WASL: variants seen among roughly 807,000 people sequenced by gnomAD.
WASL encodes WASP like actin nucleation promoting factor.
WASL carries 20 observed loss-of-function variants against 55.5 expected under a neutral mutation model. The observed-to-expected ratio is 0.36, with a 90% confidence interval of 0.25 to 0.52. The LOEUF is 0.52. Ranked by LOEUF, WASL falls within the 20% of genes least tolerant of loss-of-function variation. WASL has a pLI of 0.92. For missense variants in WASL, 504 were observed against 622.5 expected, an observed-to-expected ratio of 0.81 and a Z score of 2.03; for synonymous variants, 249 against 217.6, an observed-to-expected ratio of 1.14 and a Z score of -1.27.
At chr7:123,701,999 A>C (rs548399890) in intron 5 of WASL, among the ~76,000 whole-genome samples, 10 of 151,970 alleles carry the variant, frequency 6.6e-5, no homozygotes, top group African/African-American at 2.4e-4. Flanking sequence ...CACTGGGCCA[A>C]ATGATTAAAA....
Position 123,692,874 on chromosome 7 carries a change from T to C in WASL, c.827-7A>G, listed in dbSNP as rs374151599. ...GGTGGTGGAGGTGGTGGTGCTGAAA[T>C]GCAAACAGAAAAAAAGAAGGCATGC... On this transcript the variant is annotated splice_polypyrimidine_tract_variant and splice_region_variant and intron_variant, in intron 8 of 10. Transcript: ENST00000223023. 5.3e-5 allele frequency: 72 copies of C among 1,348,978 alleles called. No individual in the cohort carries two copies. The African/African-American group carries it at 9.4e-4, about 18-fold the overall frequency. 83.6% of individuals were successfully genotyped at this position (1,348,978 alleles called of 1,614,324 possible). A position where few individuals can be genotyped will look rare whatever the true frequency, so the allele number is the denominator to read the frequency against.
At chr7:123,725,713 C>G (rs554372902) in intron 1 of WASL, among the ~76,000 whole-genome samples, 1 of 152,018 alleles carries the variant, frequency 6.6e-6, no homozygotes, top group East Asian at 1.9e-4. Flanking sequence ...AGTAACTTGC[C>G]CGTTGTCACA....
At chr7:123,741,642 T>C (rs1287886804) in intron 1 of WASL, among the ~76,000 whole-genome samples, 1 of 152,198 alleles carries the variant, frequency 6.6e-6, no homozygotes, top group African/African-American at 2.4e-5. Context: ...ACCATTATAC[T>C]TCCATTAATA....
At chr7:123,723,890 A>C (rs1021503916) in intron 1 of WASL, among the ~76,000 whole-genome samples, 1 of 152,236 alleles carries the variant, frequency 6.6e-6, no homozygotes, top group Non-Finnish European at 1.5e-5. Flanking sequence ...TGTACAAAAG[A>C]AGCTTAGCTA....
At position 123,707,072 on chromosome 7, in the gene WASL, T is replaced by C. The variant is rs565900514; in HGVS notation, c.253-246A>G. On this transcript the variant is annotated intron_variant, in intron 2 of 10. Coordinates refer to ENST00000223023, the MANE Select transcript of WASL (RefSeq NM_003941.4). ...TCAAGTCAGTTTAATTCAGCTAAGA[T>C]ATAATCTCACTAGCCAACCATTTCC... 5.9e-5 allele frequency among the ~76,000 whole-genome samples: 9 copies of C among 152,282 alleles called. No individual in the cohort carries two copies. The South Asian group carries it at 1.7e-3, about 28-fold the overall frequency.
At position 123,748,740 on chromosome 7, in the gene WASL, C is replaced by G. The variant is rs773018491; in HGVS notation, c.-6G>C. The G allele has an allele frequency of 6.3e-7, 1 of 1,574,940 alleles. No individual in the cohort carries two copies. Among genetic ancestry groups the G allele is most frequent in the African/African-American group, 1.4e-5 (1 of 72,140 alleles). On this transcript the variant is annotated 5_prime_UTR_variant, in exon 1 of 11. Transcript: ENST00000223023. The stretch of plus-strand genomic sequence containing the variant: ...TGCTGCTGGACGGAGCTCATGGTTT[C>G]GCCGGCGGGGTTGGGAGTCCAGGGC...
intron 5 of WASL, among the ~76,000 whole-genome samples, chr7:123,704,002 C>A (rs369294444): frequency 9.9e-5 from 15 of 152,048 alleles, no homozygotes; most frequent in African/African-American, 3.6e-4. Flanking sequence ...GAATTTCTAC[C>A]CCTGAGACCT....
intron 1 of WASL, among the ~76,000 whole-genome samples, chr7:123,715,155 T>C (rs935622873): frequency 2.6e-5 from 4 of 152,204 alleles, no homozygotes; most frequent in Non-Finnish European, 5.9e-5. Context: ...TGGCCCTTGA[T>C]TCAAGTTCTT....
At chr7:123,687,500 T>C (rs1803312379) in intron 10 of WASL, among the ~76,000 whole-genome samples, 1 of 152,192 alleles carries the variant, frequency 6.6e-6, no homozygotes, top group Non-Finnish European at 1.5e-5. Context: ...TCCCTAGTTT[T>C]CTACATGGTT....
intron 1 of WASL, among the ~76,000 whole-genome samples, chr7:123,744,699 A>G (rs1584877411): frequency 6.6e-6 from 1 of 152,248 alleles, no homozygotes; most frequent in South Asian, 2.1e-4. Context: ...ATTTTTTCCT[A>G]TTCCTTAGTT....
chr7:123,723,286 T>C (rs1231918981), intron 1 of WASL, among the ~76,000 whole-genome samples: 1 of 152,166 alleles, frequency 6.6e-6, no homozygotes, highest in African/African-American at 2.4e-5. Context: ...ATTTTCAGTA[T>C]GTTGGTCAAT....
At chr7:123,743,968 G>A (rs192141879) in intron 1 of WASL, among the ~76,000 whole-genome samples, 2 of 152,252 alleles carry the variant, frequency 1.3e-5, no homozygotes, top group African/African-American at 4.8e-5. Flanking sequence ...ACTAGACAAA[G>A]GTATCTTCTC....
chr7:123,704,491 T>C, intron 5 of WASL, 143 bp downstream of exon 5: 1 of 576,360 alleles, frequency 1.7e-6, no homozygotes, highest in Non-Finnish European at 2.9e-6. Context: ...ATACTAAACA[T>C]TACTTACTAA....
chr7:123,704,714 T>C, intron 4 of WASL, 57 bp from the exon 5 acceptor site: 1 of 1,167,492 alleles, frequency 8.6e-7, no homozygotes, highest in South Asian at 1.7e-5. Flanking sequence ...AACATCAACA[T>C]AAAAAAATTA....
chr7:123,728,863 AAAAACAAAAC>A (rs779867306), intron 1 of WASL, among the ~76,000 whole-genome samples: 1 of 152,208 alleles, frequency 6.6e-6, no homozygotes, highest in African/African-American at 2.4e-5. Context: ...CTCTGTCTCA[AAAAACAAAAC>A]AAAACAAACG....
intron 1 of WASL, among the ~76,000 whole-genome samples, chr7:123,739,605 G>C (rs1443382289): frequency 6.6e-6 from 1 of 152,240 alleles, no homozygotes; most frequent in East Asian, 1.9e-4. Context: ...GTAGGTTATT[G>C]TAAATGTTCT....
intron 8 of WASL, 38 bp from the exon 9 acceptor site, chr7:123,692,905 T>C (rs748679091): frequency 7.5e-7 from 1 of 1,341,408 alleles, no homozygotes; most frequent in East Asian, 2.7e-5. Flanking sequence ...CATGCTTTTT[T>C]CTTCTCATAA....
intron 1 of WASL, among the ~76,000 whole-genome samples, chr7:123,725,957 T>A (rs1420435162): frequency 6.6e-6 from 1 of 152,148 alleles, no homozygotes; most frequent in Non-Finnish European, 1.5e-5. Flanking sequence ...GATAAACAGA[T>A]CAGTGTTTTA....
chr7:123,729,706 G>C (rs893314630), intron 1 of WASL, among the ~76,000 whole-genome samples: 1 of 152,078 alleles, frequency 6.6e-6, no homozygotes, highest in Non-Finnish European at 1.5e-5. Flanking sequence ...CTAATTTCCA[G>C]ATTTTCTAAC....
Sources: allele counts gnomAD v4.1 joint callset (sites outside exome capture counted in the v4.1 genomes callset), GRCh38; gene constraint gnomAD v4.1.1; transcripts MANE v1.5; gene names NCBI Gene and HGNC (gene_info 2026-07-23, HGNC 2026-07-21).